The following FAM170A variants were observed in gnomAD, a reference collection of about 807,000 sequenced individuals.
FAM170A encodes family with sequence similarity 170 member A.
In FAM170A, 28 loss-of-function variants were observed where a neutral mutation model predicts 36.6. The ratio of observed to expected loss-of-function variants is 0.76; its 90% CI spans 0.57 to 1.05. The LOEUF is 1.05. Ranked by LOEUF, FAM170A falls within the 50% of genes least tolerant of loss-of-function variation. The pLI is 0.00. For synonymous variants in FAM170A, 156 were observed against 143.9 expected (o/e 1.08, Z -0.60); for missense variants, 434 against 396.5 (o/e 1.09, Z -0.80).
chr5:119,634,507 G>C, exon 3 of FAM170A: 1 of 1,613,844 alleles, frequency 6.2e-7, no homozygotes, highest in South Asian at 1.1e-5. Flanking sequence ...GGATCAGAGA[G>C]GGCTTCAGCT....
intron 1 of FAM170A, 46 bp downstream of exon 1, chr5:119,629,884 C>A (rs756131140): frequency 4.2e-6 from 6 of 1,433,398 alleles, no homozygotes; most frequent in Non-Finnish European, 5.9e-6. Context: ...CACTGGCCAG[C>A]CTGAGCCGCC....
At chr5:119,632,837 A>G (rs1356588790) in exon 2 of FAM170A, 1 of 1,612,970 alleles carries the variant, frequency 6.2e-7, no homozygotes, top group Admixed American at 1.7e-5. Flanking sequence ...AGTTACTTCT[A>G]CCTCCGAATA....
chr5:119,633,939 G>A (rs1035921371), intron 2 of FAM170A, 21 bp from the exon 3 acceptor site: 56 of 1,597,654 alleles, frequency 3.5e-5, no homozygotes, highest in Middle Eastern at 3.3e-4. Flanking sequence ...ATCTGCTCAT[G>A]TTTCTAATTT....
chr5:119,629,761 C>G lies in FAM170A; in HGVS notation c.-8C>G, dbSNP rs753687402. Reference sequence around the variant, plus strand: ...AAGCATCTTCTAGAAACTCTTCTAGCTGATATCATGAAACGACGACAAAAG... The same window carrying G: ...AAGCATCTTCTAGAAACTCTTCTAGGTGATATCATGAAACGACGACAAAAG... On this transcript the variant is annotated 5_prime_UTR_variant, in exon 1 of 5. Coordinates refer to ENST00000613773, the Ensembl canonical transcript of FAM170A. 1.9e-6 allele frequency: 3 copies of G among 1,611,040 alleles called. No individual in the cohort carries two copies. In the Middle Eastern group the frequency reaches 5.0e-4, roughly 267 times the overall value.
chr5:119,634,570 G>C, exon 3 of FAM170A: 1 of 1,613,518 alleles, frequency 6.2e-7, no homozygotes, highest in East Asian at 2.2e-5. Flanking sequence ...TGGAATCAGA[G>C]AGCACCCAAG....
exon 3 of FAM170A, chr5:119,634,181 A>T (rs1211584722): frequency 6.2e-7 from 1 of 1,614,098 alleles, no homozygotes; most frequent in Admixed American, 1.7e-5. Context: ...CTCCTGGGAG[A>T]CAGAGGAAAC....
rs373488748 is a variant in FAM170A at position 119,633,554 on chromosome 5, CACAT to C, written c.212-402_212-399del. ...CTCTAGCTCAGGCCCACACACCTCA[CACAT>C]ACAGCCACACGCTCCACAGGTACAC... On this transcript the variant is annotated intron_variant, in intron 2 of 4. Transcript: ENST00000613773. Among the ~76,000 whole-genome samples, 946 of 152,232 alleles carry C rather than the reference CACAT, an allele frequency of 6.2e-3. 10 individuals carry two copies. In the South Asian group the frequency reaches 0.064, roughly 10 times the overall value.
exon 3 of FAM170A, chr5:119,634,165 G>A (rs1385003418): frequency 6.2e-7 from 1 of 1,614,072 alleles, no homozygotes; most frequent in Non-Finnish European, 8.5e-7. Flanking sequence ...ACAAAGGTGT[G>A]GCTGTCTCCT....
Position 119,634,708 on chromosome 5 carries a change from T to A in FAM170A, c.960T>A (p.Cys320Ter), listed in dbSNP as rs1561525266. The change falls in exon 3 of 5, where the codon TGT becomes TGA. Residue 320 changes from cysteine to a stop codon, truncating the protein, a stop_gained. Transcript: ENST00000613773. LOFTEE classifies it high-confidence loss of function. The stretch of plus-strand genomic sequence containing the variant: ...GATCCTGGAGCCAATGTCCAGGCTG[T>A]GTGTTTCATTCTCCAAAGGACAGGA... 6.5e-7 allele frequency: 1 copy of A among 1,546,896 alleles called. No homozygotes were observed. The highest frequency in any genetic ancestry group is 2.0e-5 in the Admixed American group (1 of 50,416).
chr5:119,632,012 C>T (rs1756262864), intron 1 of FAM170A, among the ~76,000 whole-genome samples: 2 of 152,140 alleles, frequency 1.3e-5, no homozygotes. Context: ...TTTTATGGAA[C>T]ATACTGACAC....
rs771623420 is a variant in FAM170A at position 119,632,713 on chromosome 5, C to T, written c.71-35C>T. 2.7e-6 allele frequency: 4 copies of T among 1,501,374 alleles called. No individual in the cohort carries two copies. The Admixed American group carries it at 8.5e-5, about 32-fold the overall frequency. The allele number at this position is 1,501,374 out of a possible 1,614,324, so 93.0% of individuals were successfully genotyped here. A position where few individuals can be genotyped will look rare whatever the true frequency, so the allele number is the denominator to read the frequency against. ...TAAATGATGCACAAACATTACCCAT[C>T]CATCATATCTCTGTTCCCTTCATAC... On this transcript the variant is annotated intron_variant, in intron 1 of 4. Coordinates refer to ENST00000613773, the Ensembl canonical transcript of FAM170A.
intron 1 of FAM170A, among the ~76,000 whole-genome samples, chr5:119,631,387 G>C (rs1756247867): frequency 6.6e-6 from 1 of 152,134 alleles, no homozygotes; most frequent in Admixed American, 6.5e-5. Flanking sequence ...TGTTTTGTCT[G>C]CCTGTGTGTG....
chr5:119,634,801 C>T (rs563407412), intron 3 of FAM170A, 67 bp downstream of exon 3: 358 of 1,450,110 alleles, frequency 2.5e-4, no homozygotes, highest in Non-Finnish European at 3.1e-4. Flanking sequence ...TACTGTCTCC[C>T]CAGTTCAGGC....
In FAM170A at chr5:119,635,017, T is replaced by G; in HGVS notation, c.987-14T>G. 1 of 1,614,042 alleles carries G rather than the reference T, an allele frequency of 6.2e-7. No individual in the cohort carries two copies. Among genetic ancestry groups the G allele is most frequent in the Non-Finnish European group, 8.5e-7 (1 of 1,179,950 alleles). ...TAAGAAGTGTCTTTCTTTGGTTTGATTTTCACACAGCAGCTGAGACTTATG... is the reference window on the plus strand; with the variant it reads ...TAAGAAGTGTCTTTCTTTGGTTTGAGTTTCACACAGCAGCTGAGACTTATG... On this transcript the variant is annotated splice_polypyrimidine_tract_variant and intron_variant, in intron 3 of 4. Transcript: ENST00000613773.
chr5:119,630,046 C>A, intron 1 of FAM170A, among the ~76,000 whole-genome samples: 1 of 151,844 alleles, frequency 6.6e-6, no homozygotes, highest in South Asian at 2.1e-4. Context: ...TGCCCACCAC[C>A]ACGCCCGGCT....
At position 119,634,143 on chromosome 5, in the gene FAM170A, A is replaced by G. The variant is rs754553874; in HGVS notation, c.395A>G (p.Gln132Arg). 19 of 1,614,066 alleles carry G rather than the reference A, an allele frequency of 1.2e-5. No individual in the cohort carries two copies. In the Admixed American group the frequency reaches 3.2e-4, roughly 27 times the overall value. ...AGGGGCATGAAAATATACTACATGC[A>G]GGTACAAATGAACAAAGGTGTGGCT... Residue 132 changes from glutamine (Q) to arginine (R), a missense_variant, in exon 3 of 5, where the codon CAG (glutamine) becomes CGG (arginine). Transcript: ENST00000613773.
intron 2 of FAM170A, 53 bp downstream of exon 2, chr5:119,632,941 G>A: frequency 6.6e-7 from 1 of 1,512,950 alleles, no homozygotes; most frequent in Non-Finnish European, 8.9e-7. Flanking sequence ...GGGGTTCATT[G>A]GGCATGAAAA....
intron 2 of FAM170A, among the ~76,000 whole-genome samples, chr5:119,633,753 C>G (rs1036786221): frequency 6.6e-6 from 1 of 151,948 alleles, no homozygotes; most frequent in Non-Finnish European, 1.5e-5. Context: ...TACTCCACAC[C>G]CCTGTATATG....
Position 119,630,082 on chromosome 5 carries a change from G to T in FAM170A, c.70+244G>T, listed in dbSNP as rs567789047. Among the ~76,000 whole-genome samples, 312 of 146,546 alleles carry T rather than the reference G, an allele frequency of 2.1e-3. 3 individuals are homozygous for T. Among genetic ancestry groups the T allele is most frequent in the Non-Finnish European group, 2.9e-3 (194 of 66,840 alleles). ...AATTTTTTGTATTTTTAGTAGAGAC[G>T]GGGTTTCACCGTGTTAGCCAGGATG... On this transcript the variant is annotated intron_variant, in intron 1 of 4. Transcript: ENST00000613773.
Sources: gnomAD v4.1 joint callset for allele counts (sites outside exome capture counted in the v4.1 genomes callset) on GRCh38, gnomAD v4.1.1 for gene constraint, MANE v1.5 for transcripts, NCBI Gene and HGNC (gene_info 2026-07-23, HGNC 2026-07-21) for gene names.